The following TNFRSF8 variants were observed in gnomAD, a reference collection of about 807,000 sequenced individuals.
The protein encoded by TNFRSF8 is tumor necrosis factor receptor superfamily member 8.
Under a neutral mutation model 70.8 loss-of-function variants are expected in TNFRSF8, and 26 were observed. The ratio of observed to expected loss-of-function variants is 0.37; its 90% CI spans 0.27 to 0.51. The LOEUF is 0.51. Among genes scored for constraint, TNFRSF8 ranks in the 20% least tolerant of loss-of-function variants. The probability of loss-of-function intolerance (pLI) is 0.94; values close to 1 mark genes in which losing one functional copy is unlikely to be tolerated. For synonymous variants in TNFRSF8, 356 were observed against 339.2 expected, an observed-to-expected ratio of 1.05 and a Z score of -0.54; for missense variants, 720 against 807.9, an observed-to-expected ratio of 0.89 and a Z score of 1.32.
At chr1:12,098,678 A>T (rs201357267) in intron 3 of TNFRSF8, among the ~76,000 whole-genome samples, 3 of 111,116 alleles carry the variant, frequency 2.7e-5, no homozygotes, top group Non-Finnish European at 3.8e-5. Context: ...CAATTCCTTT[A>T]AAAAAAAAAA....
At chr1:12,076,095 TTCTTTTTC>T (rs1198687975) in intron 1 of TNFRSF8, among the ~76,000 whole-genome samples, 10 of 89,692 alleles carry the variant, frequency 1.1e-4, no homozygotes, top group African/African-American at 2.1e-4. Flanking sequence ...TCTTTTTTTT[TTCTTTTTC>T]TTTTTTTTTT....
intron 12 of TNFRSF8, among the ~76,000 whole-genome samples, chr1:12,133,791 G>A (rs1642096685): frequency 1.3e-5 from 2 of 149,886 alleles, no homozygotes; most frequent in South Asian, 4.2e-4. Context: ...GGTGGCTCAT[G>A]CCTGTAATCC....
At chr1:12,071,508 T>G (rs1474316503) in intron 1 of TNFRSF8, among the ~76,000 whole-genome samples, 1 of 152,136 alleles carries the variant, frequency 6.6e-6, no homozygotes, top group Non-Finnish European at 1.5e-5. Flanking sequence ...AGCAAAATGT[T>G]TCCTTGCTTT....
At chr1:12,079,849 T>G (rs1569992281) in intron 1 of TNFRSF8, among the ~76,000 whole-genome samples, 1 of 152,312 alleles carries the variant, frequency 6.6e-6, no homozygotes, top group East Asian at 1.9e-4. Context: ...GTCCTTGAGA[T>G]GCTATTTACA....
chr1:12,137,099 C>A (rs986609551), intron 13 of TNFRSF8, among the ~76,000 whole-genome samples: 1 of 151,814 alleles, frequency 6.6e-6, no homozygotes, highest in Admixed American at 6.6e-5. Context: ...TGACTCTTAG[C>A]GAGTGAAGAA....
chr1:12,109,932 TG>T lies in TNFRSF8; in HGVS notation c.513-106del. ...CTTACAGTGGGCCCGCCAGAGGCAG[TG>T]GGCCAAGGGCCTGGGACCCCATCTC... is the stretch of plus-strand genomic sequence containing the variant. On this transcript the variant is annotated intron_variant, in intron 5 of 14. Transcript: ENST00000263932. This position sits in a 1 kb window ranked among gnomAD's most constrained non-coding sequence, Gnocchi z 4.4. 1 of 1,365,640 alleles carries T rather than the reference TG, an allele frequency of 7.3e-7. No homozygotes were observed. The highest frequency in any genetic ancestry group is 1.0e-6 in the Non-Finnish European group (1 of 995,402). The allele number at this position is 1,365,640 out of a possible 1,614,324, so 84.6% of individuals were successfully genotyped here. A position where few individuals can be genotyped will look rare whatever the true frequency, so the allele number is the denominator to read the frequency against.
At chr1:12,125,378 C>T (rs1008006695) in intron 10 of TNFRSF8, among the ~76,000 whole-genome samples, 3 of 152,168 alleles carry the variant, frequency 2.0e-5, no homozygotes, top group Admixed American at 6.5e-5. Flanking sequence ...GGCAACTTAA[C>T]GAACTTTCGT....
intron 1 of TNFRSF8, among the ~76,000 whole-genome samples, chr1:12,069,048 T>G (rs1304138395): frequency 1.3e-5 from 2 of 149,860 alleles, no homozygotes; most frequent in Non-Finnish European, 3.0e-5. Context: ...ATTTTTTGTA[T>G]TTTTAGTAGA....
At chr1:12,093,349 A>C (rs1557583830) in intron 2 of TNFRSF8, among the ~76,000 whole-genome samples, 1 of 152,208 alleles carries the variant, frequency 6.6e-6, no homozygotes, top group Non-Finnish European at 1.5e-5. Context: ...TGTAGTAGAG[A>C]GTGCATGAAG....
chr1:12,106,298 T>C (rs137894270), intron 4 of TNFRSF8, among the ~76,000 whole-genome samples: 28 of 152,086 alleles, frequency 1.8e-4, no homozygotes, highest in African/African-American at 3.9e-4. Context: ...CGTGCTGTTC[T>C]CTCTGTCGGA....
intron 14 of TNFRSF8, among the ~76,000 whole-genome samples, chr1:12,139,770 G>A (rs1642219773): frequency 6.6e-6 from 1 of 152,228 alleles, no homozygotes; most frequent in African/African-American, 2.4e-5. Context: ...GAGTAGCTGG[G>A]ATTATGGGCG....
rs148773243 is a variant in TNFRSF8, at chr1:12,119,346, C to G, written c.946+3617C>G. 3.6e-4 allele frequency among the ~76,000 whole-genome samples: 55 copies of G among 152,298 alleles called. No individual in the cohort carries two copies. Among genetic ancestry groups the G allele is most frequent in the African/African-American group, 1.3e-3 (54 of 41,576 alleles). On this transcript the variant is annotated intron_variant, in intron 8 of 14. Coordinates refer to ENST00000263932, the MANE Select transcript of TNFRSF8 (RefSeq NM_001243.5). The surrounding 1 kb of genome is among the most constrained non-coding windows in gnomAD (Gnocchi z 4.4). ...CCCAAAGTGCTCCAGGCGTCTCCCC[C>G]ACAGTGGCAGCCTCAATTTCTCTGT...
At chr1:12,140,772 T>G (rs1570093381) in intron 14 of TNFRSF8, among the ~76,000 whole-genome samples, 1 of 152,184 alleles carries the variant, frequency 6.6e-6, no homozygotes. Context: ...CTGTGGCTCC[T>G]TCTCCCTAAT....
At chr1:12,135,896 T>A (rs1325927630) in intron 13 of TNFRSF8, among the ~76,000 whole-genome samples, 1 of 152,176 alleles carries the variant, frequency 6.6e-6, no homozygotes, top group East Asian at 1.9e-4. Context: ...AGCTCCTGGC[T>A]CAGCCTGCCG....
At chr1:12,086,781 ATCTC>A (rs929886968) in intron 2 of TNFRSF8, among the ~76,000 whole-genome samples, 1 of 151,026 alleles carries the variant, frequency 6.6e-6, no homozygotes, top group Non-Finnish European at 1.5e-5. Context: ...GGGAAGATCG[ATCTC>A]TCTCTCTCTT....
Position 12,088,527 on chromosome 1 carries a change from G to A in TNFRSF8, c.151+3976G>A, listed in dbSNP as rs185633542. On this transcript the variant is annotated intron_variant, in intron 2 of 14. Transcript: ENST00000263932. The surrounding 1 kb of genome is among the most constrained non-coding windows in gnomAD (Gnocchi z 4.0). ...GAATTTGGGAGGCAGAAGAGTTTAC[G>A]AGTGAAGAGCTAATGCGGGGGCTAC... 2.0e-5 allele frequency among the ~76,000 whole-genome samples: 3 copies of A among 152,234 alleles called. No homozygotes were observed. The highest frequency in any genetic ancestry group is 1.9e-4 in the East Asian group (1 of 5,160).
At chr1:12,079,810 AAAG>A (rs1408837650) in intron 1 of TNFRSF8, among the ~76,000 whole-genome samples, 4 of 152,180 alleles carry the variant, frequency 2.6e-5, no homozygotes, top group Non-Finnish European at 5.9e-5. Flanking sequence ...TTATTGCTGA[AAAG>A]AAGCCACCAC....
At chr1:12,123,150 T>C (rs1181052521) in intron 8 of TNFRSF8, 134 bp from the exon 9 acceptor site, 7 of 708,686 alleles carry the variant, frequency 9.9e-6, no homozygotes, top group African/African-American at 7.2e-5. Context: ...TTTGATCTTT[T>C]GAAACACAAA....
Position 12,063,548 on chromosome 1 carries a change from G to A in TNFRSF8, c.-51G>A. The A allele has an allele frequency of 7.7e-7, 1 of 1,294,808 alleles. No homozygotes were observed. The allele number at this position is 1,294,808 out of a possible 1,614,324, so 80.2% of individuals were successfully genotyped here. ...CACGTGGGCGCCGCGCGCTTCCCCC[G>A]CTTCCCAGGTGGGCGCCGGCCGCCA... On this transcript the variant is annotated 5_prime_UTR_variant, in exon 1 of 15. Coordinates refer to ENST00000263932, the MANE Select transcript of TNFRSF8 (RefSeq NM_001243.5). This position sits in a 1 kb window ranked among gnomAD's most constrained non-coding sequence, Gnocchi z 7.2.
Sources: allele counts gnomAD v4.1 joint callset (sites outside exome capture counted in the v4.1 genomes callset), GRCh38; gene constraint gnomAD v4.1.1; non-coding constraint Gnocchi (gnomAD v3.1); transcripts MANE v1.5; gene names NCBI Gene and HGNC (gene_info 2026-07-23, HGNC 2026-07-21).